The following CAPN6 variants were observed in gnomAD, a reference collection of about 807,000 sequenced individuals.
CAPN6 encodes calpain 6, also known as calpain-6.
Under a neutral mutation model 46.0 loss-of-function variants are expected in CAPN6, and 16 were observed. That is an observed-to-expected ratio of 0.35 (90% confidence interval 0.24 to 0.53). The LOEUF is 0.53. CAPN6 is among the 20% of genes least tolerant of loss of function. CAPN6 has a pLI of 0.94. For synonymous variants in CAPN6, 206 were observed against 172.8 expected (o/e 1.19, Z -1.51); for missense variants, 461 against 498.0 (o/e 0.93, Z 0.71).
chrX:111,268,613 G>C (rs1230319245), intron 1 of CAPN6, among the ~76,000 whole-genome samples: 1 of 112,354 alleles, frequency 8.9e-6, no homozygotes, highest in Non-Finnish European at 1.9e-5. Context: ...ACATTTAAAA[G>C]ACTAATATAA....
chrX:111,258,669 C>T (rs890749642), intron 2 of CAPN6, among the ~76,000 whole-genome samples: 1 of 111,360 alleles, frequency 9.0e-6, no homozygotes, highest in Non-Finnish European at 1.9e-5. Flanking sequence ...CCTAACCCAT[C>T]CAAGGAAAGC....
chrX:111,254,465 G>T, intron 2 of CAPN6, 62 bp from the exon 3 acceptor site: 1 of 905,003 alleles, frequency 1.1e-6, no homozygotes, highest in Non-Finnish European at 1.6e-6. Context: ...GTCACTGTGA[G>T]CTGAACTAGG....
chrX:111,248,088 A>G, intron 10 of CAPN6, 96 bp from the exon 11 acceptor site: 1 of 842,498 alleles, frequency 1.2e-6, no homozygotes, highest in Non-Finnish European at 1.7e-6. Context: ...AAAGCATGAG[A>G]CATTGTGTGA....
intron 12 of CAPN6, 78 bp from the exon 13 acceptor site, chrX:111,246,837 A>C: frequency 1.2e-6 from 1 of 830,524 alleles, no homozygotes; most frequent in Non-Finnish European, 1.7e-6. Context: ...TCCAGATCTA[A>C]TGCTGAGCTT....
chrX:111,261,819 A>G (rs959672816), intron 2 of CAPN6, among the ~76,000 whole-genome samples: 1 of 111,432 alleles, frequency 9.0e-6, no homozygotes, highest in African/African-American at 3.3e-5. Flanking sequence ...CCTCACCCCT[A>G]TCAATCATCC....
At chrX:111,265,409 T>C (rs2094991032) in intron 1 of CAPN6, among the ~76,000 whole-genome samples, 1 of 112,749 alleles carries the variant, frequency 8.9e-6, no homozygotes, top group African/African-American at 3.2e-5. Context: ...GCCTTATTTA[T>C]TGGCAATTGC....
intron 2 of CAPN6, among the ~76,000 whole-genome samples, chrX:111,257,419 A>C (rs2094984729): frequency 8.9e-6 from 1 of 112,186 alleles, no homozygotes; most frequent in Non-Finnish European, 1.9e-5. Flanking sequence ...ATCTCTTACT[A>C]TATGTAAGCA....
intron 8 of CAPN6, among the ~76,000 whole-genome samples, chrX:111,249,892 A>AAGGT (rs2094977671): frequency 1.1e-5 from 1 of 91,205 alleles, no homozygotes; most frequent in African/African-American, 4.4e-5. Context: ...GGAAGAAAAG[A>AAGGT]AGGGAGGGAG....
At chrX:111,252,552 A>C in intron 4 of CAPN6, 53 bp from the exon 5 acceptor site, 1 of 1,000,092 alleles carries the variant, frequency 1.0e-6, no homozygotes, top group Non-Finnish European at 1.4e-6. Flanking sequence ...CCAGGTCAAG[A>C]ACATCATAAT....
In CAPN6 at chrX:111,254,398, G is replaced by T. The variant is rs760642008; in HGVS notation, c.171C>A (p.Ile57=). Residue 57 remains isoleucine, a synonymous_variant, in exon 3 of 13, where the codon ATC becomes ATA. Coordinates refer to ENST00000324068, the MANE Select transcript of CAPN6 (RefSeq NM_014289.4). ...GKVVWKRPQD[I]CDDPHLIVGN... is the part of the protein sequence containing the mutation. ...CCACAATCAGATGGGGGTCATCACAGATGTCCTATGAATACAATAATTGGT... is the reference window on the plus strand; with the variant it reads ...CCACAATCAGATGGGGGTCATCACATATGTCCTATGAATACAATAATTGGT... 1 of 1,196,713 alleles carries T rather than the reference G, an allele frequency of 8.4e-7. No individual in the cohort carries two copies. The highest frequency in any genetic ancestry group is 1.1e-6 in the Non-Finnish European group (1 of 884,041).
At chrX:111,247,125 T>G (rs1408644663) in intron 12 of CAPN6, among the ~76,000 whole-genome samples, 1 of 111,650 alleles carries the variant, frequency 9.0e-6, no homozygotes, top group Non-Finnish European at 1.9e-5. Flanking sequence ...TGTGTTAACA[T>G]GTGTACTGGT....
At chrX:111,262,380 G>A (rs1019038715) in intron 2 of CAPN6, among the ~76,000 whole-genome samples, 15 of 112,315 alleles carry the variant, frequency 1.3e-4, no homozygotes. Flanking sequence ...CCACATGGTA[G>A]CAACGTGCAT....
intron 1 of CAPN6, among the ~76,000 whole-genome samples, chrX:111,265,112 C>T (rs2094990807): frequency 1.8e-5 from 2 of 111,880 alleles, no homozygotes; most frequent in South Asian, 3.7e-4. Context: ...AAGGAGAATA[C>T]GTTAGCACTT....
intron 1 of CAPN6, among the ~76,000 whole-genome samples, 183 bp from the exon 2 acceptor site, chrX:111,264,134 T>C (rs191991346): frequency 1.4e-4 from 16 of 111,889 alleles, no homozygotes; most frequent in African/African-American, 5.2e-4. Flanking sequence ...CGCAACTAAT[T>C]AGTATGGGGC....
At chrX:111,267,633 A>C (rs2094992964) in intron 1 of CAPN6, among the ~76,000 whole-genome samples, 1 of 111,743 alleles carries the variant, frequency 8.9e-6, no homozygotes, top group Non-Finnish European at 1.9e-5. Flanking sequence ...TGCTCTAAAA[A>C]AATCTGATAA....
At chrX:111,262,918 A>T (rs1401660773) in intron 2 of CAPN6, among the ~76,000 whole-genome samples, 1 of 112,210 alleles carries the variant, frequency 8.9e-6, no homozygotes, top group African/African-American at 3.2e-5. Context: ...GATGATACAG[A>T]TGACAGTGTC....
At chrX:111,248,795 A>G (rs922864118) in intron 9 of CAPN6, 24 bp from the exon 10 acceptor site, 12 of 1,195,451 alleles carry the variant, frequency 1.0e-5, no homozygotes, top group Non-Finnish European at 1.4e-5. Context: ...AGGGTAAAAT[A>G]TTCAATTCCA....
At chrX:111,249,199 G>T in intron 8 of CAPN6, 142 bp from the exon 9 acceptor site, 1 of 611,215 alleles carries the variant, frequency 1.6e-6, no homozygotes, top group Non-Finnish European at 2.5e-6. Flanking sequence ...AGACAACAAG[G>T]TCTTGGATAA....
At chrX:111,253,368 A>AT (rs1192468125) in intron 3 of CAPN6, 152 bp from the exon 4 acceptor site, 2 of 479,293 alleles carry the variant, frequency 4.2e-6, no homozygotes, top group East Asian at 7.3e-5. Context: ...TAGATATGGC[A>AT]TTTTGCCCAC....
Sources: gnomAD v4.1 joint callset for allele counts (sites outside exome capture counted in the v4.1 genomes callset) on GRCh38, gnomAD v4.1.1 for gene constraint, MANE v1.5 for transcripts, NCBI Gene and HGNC (gene_info 2026-07-23, HGNC 2026-07-21) for gene names.